The following FNDC3B variants were observed in gnomAD, a reference collection of about 807,000 sequenced individuals.
FNDC3B encodes fibronectin type III domain containing 3B.
FNDC3B carries 12 observed loss-of-function variants against 151.5 expected under a neutral mutation model. The ratio of observed to expected loss-of-function variants is 0.08; its 90% CI spans 0.05 to 0.13. FNDC3B has a LOEUF of 0.13. FNDC3B is among the 10% of genes least tolerant of loss of function. The pLI is 1.00. For synonymous variants in FNDC3B, 528 were observed against 549.0 expected, an observed-to-expected ratio of 0.96 and a Z score of 0.54; for missense variants, 1,214 against 1,505.3, an observed-to-expected ratio of 0.81 and a Z score of 3.20.
intron 7 of FNDC3B, among the ~76,000 whole-genome samples, chr3:172,290,563 A>T (rs1237355968): frequency 1.3e-5 from 2 of 152,214 alleles, no homozygotes; most frequent in Non-Finnish European, 2.9e-5. Context: ...GGATATAAAT[A>T]ATGTAACCTG....
At chr3:172,261,607 CTT>C (rs1481508534) in intron 6 of FNDC3B, among the ~76,000 whole-genome samples, 1 of 152,120 alleles carries the variant, frequency 6.6e-6, no homozygotes, top group East Asian at 1.9e-4. Context: ...TGTAGTGAGA[CTT>C]TGAAATTCTA....
At chr3:172,152,078 A>G (rs1559990676) in intron 3 of FNDC3B, among the ~76,000 whole-genome samples, 1 of 152,160 alleles carries the variant, frequency 6.6e-6, no homozygotes, top group Non-Finnish European at 1.5e-5. Context: ...AGGCTTCTTC[A>G]TGTTCACAAA....
intron 3 of FNDC3B, among the ~76,000 whole-genome samples, chr3:172,220,408 A>T (rs897038439): frequency 1.3e-5 from 2 of 152,164 alleles, no homozygotes; most frequent in African/African-American, 4.8e-5. Context: ...TTCTTCATAT[A>T]TTCTGGATAC....
At chr3:172,213,116 A>T (rs1343467603) in intron 3 of FNDC3B, among the ~76,000 whole-genome samples, 1 of 151,864 alleles carries the variant, frequency 6.6e-6, no homozygotes, top group African/African-American at 2.4e-5. Context: ...CAAAGAGAGG[A>T]TCAGCTTTCT....
chr3:172,042,789 GTC>G, intron 1 of FNDC3B, among the ~76,000 whole-genome samples: 1 of 151,926 alleles, frequency 6.6e-6, no homozygotes, highest in Admixed American at 6.5e-5. Flanking sequence ...ATGTAACTGA[GTC>G]TTTGAAATGT....
rs541932778 is a variant in FNDC3B at position 172,346,346 on chromosome 3, T to G, written c.2270T>G (p.Val757Gly). Residue 757 changes from valine (V) to glycine (G), a missense_variant, in exon 20 of 26, where the codon GTC (valine) becomes GGC (glycine). Physicochemically the swap from Val to Gly is moderately radical, Grantham distance 109. This residue lies in a region of FNDC3B where 380 missense variants were observed against 420.9 expected (regional missense o/e 0.90). Coordinates refer to ENST00000415807, the MANE Select transcript of FNDC3B (RefSeq NM_022763.4). Reference sequence around the variant, plus strand: ...TTTCAGTATGGTCCCTATTCTGATGTCTCAGAAATTACCACTGCTGCAGGG... The same window carrying G: ...TTTCAGTATGGTCCCTATTCTGATGGCTCAGAAATTACCACTGCTGCAGGG... ...NDGGYGPYSD[V>G]SEITTAAGPP... is the part of the protein sequence containing the mutation. 1 of 1,609,482 alleles carries G rather than the reference T, an allele frequency of 6.2e-7. No individual in the cohort carries two copies. Among genetic ancestry groups the G allele is most frequent in the Non-Finnish European group, 8.5e-7 (1 of 1,175,930 alleles).
intron 20 of FNDC3B, among the ~76,000 whole-genome samples, chr3:172,346,669 CCTTT>C (rs1733631750): frequency 6.6e-6 from 1 of 151,584 alleles, no homozygotes; most frequent in Admixed American, 6.6e-5. Context: ...GTTTCTCATG[CCTTT>C]CTTTTTGTAA....
intron 25 of FNDC3B, among the ~76,000 whole-genome samples, chr3:172,396,811 A>G (rs570318726): frequency 4.6e-5 from 7 of 152,236 alleles, no homozygotes; most frequent in Non-Finnish European, 7.3e-5. Flanking sequence ...CTTGTCCTCC[A>G]CAAAACCAGT....
chr3:172,244,365 T>G (rs1204739558), intron 4 of FNDC3B, among the ~76,000 whole-genome samples: 1 of 152,166 alleles, frequency 6.6e-6, no homozygotes, highest in African/African-American at 2.4e-5. Context: ...TCGACTACAG[T>G]AATATATTTA....
At position 172,064,818 on chromosome 3, in the gene FNDC3B, G is replaced by A. The variant is rs569525731; in HGVS notation, c.-29+25047G>A. 8.9e-4 allele frequency among the ~76,000 whole-genome samples: 135 copies of A among 152,216 alleles called. 1 individual carries two copies. The Middle Eastern group carries it at 0.01, about 12-fold the overall frequency. On this transcript the variant is annotated intron_variant, in intron 1 of 25. Transcript: ENST00000415807. Reference sequence around the variant, plus strand: ...GGTGTTGGGAGATTTGATTTCATTCGTCATCACTGCAGTACCTGGCGCATA... The same window carrying A: ...GGTGTTGGGAGATTTGATTTCATTCATCATCACTGCAGTACCTGGCGCATA...
At chr3:172,184,559 C>A (rs1269088999) in intron 3 of FNDC3B, among the ~76,000 whole-genome samples, 3 of 152,250 alleles carry the variant, frequency 2.0e-5, no homozygotes, top group East Asian at 3.9e-4. Context: ...CAGGACCTAT[C>A]AAGTTTCATA....
intron 3 of FNDC3B, among the ~76,000 whole-genome samples, chr3:172,173,231 T>G (rs1723369921): frequency 6.6e-6 from 1 of 152,190 alleles, no homozygotes; most frequent in Non-Finnish European, 1.5e-5. Context: ...CTGCTTGTCA[T>G]AAGGTTATCT....
intron 4 of FNDC3B, among the ~76,000 whole-genome samples, chr3:172,230,139 AAT>A (rs1319044157): frequency 6.6e-6 from 1 of 152,158 alleles, no homozygotes; most frequent in African/African-American, 2.4e-5. Flanking sequence ...AAGAGAAAAA[AAT>A]AGATAAATTT....
chr3:172,055,637 GTT>G (rs1273600940), intron 1 of FNDC3B, among the ~76,000 whole-genome samples: 1 of 152,112 alleles, frequency 6.6e-6, no homozygotes, highest in Non-Finnish European at 1.5e-5. Flanking sequence ...GGTCTGAAGT[GTT>G]TGCCATTAAC....
chr3:172,053,822 C>CATT (rs1716790621), intron 1 of FNDC3B, among the ~76,000 whole-genome samples: 1 of 150,396 alleles, frequency 6.6e-6, no homozygotes, highest in East Asian at 1.9e-4. Context: ...ATATTCTGGA[C>CATT]ATTTTCCAAG....
At position 172,395,073 on chromosome 3, in the gene FNDC3B, AAT is replaced by A. The variant is rs532832529; in HGVS notation, c.3304-2089_3304-2088del. On this transcript the variant is annotated intron_variant, in intron 25 of 25. Transcript: ENST00000415807. ...GGGTTATTTTTCAGTTCTAAATAGC[AAT>A]AATAATAATAGCTAACTCCTACTGT... 8.5e-5 allele frequency among the ~76,000 whole-genome samples: 13 copies of A among 152,326 alleles called. No individual in the cohort carries two copies. The South Asian group carries it at 2.5e-3, about 29-fold the overall frequency.
chr3:172,385,809 C>G (rs1038074214), intron 25 of FNDC3B, among the ~76,000 whole-genome samples: 1 of 152,196 alleles, frequency 6.6e-6, no homozygotes, highest in Non-Finnish European at 1.5e-5. Context: ...CCACCCACCT[C>G]AGCCTCCCAA....
intron 11 of FNDC3B, among the ~76,000 whole-genome samples, chr3:172,326,015 G>A (rs937265711): frequency 6.6e-6 from 1 of 151,990 alleles, no homozygotes; most frequent in Non-Finnish European, 1.5e-5. Context: ...TAGTAGAGAC[G>A]GTGTTTCACC....
chr3:172,264,681 G>A (rs1728826948), intron 6 of FNDC3B, among the ~76,000 whole-genome samples: 1 of 151,882 alleles, frequency 6.6e-6, no homozygotes, highest in Admixed American at 6.6e-5. Context: ...TTTGCATTTT[G>A]AACTGGGTAA....
Sources: gnomAD v4.1 joint callset for allele counts (sites outside exome capture counted in the v4.1 genomes callset) on GRCh38, gnomAD v4.1.1 for gene constraint, gnomAD v4.1.1 regional missense constraint, MANE v1.5 for transcripts, NCBI Gene and HGNC (gene_info 2026-07-23, HGNC 2026-07-21) for gene names.